ITGA3: variants seen among roughly 807,000 people sequenced by gnomAD.
The protein encoded by ITGA3 is integrin alpha-3.
In ITGA3, 70 loss-of-function variants were observed where a neutral mutation model predicts 131.1. The ratio of observed to expected loss-of-function variants is 0.53; its 90% CI spans 0.44 to 0.65. ITGA3 has a LOEUF of 0.65. Ranked by LOEUF, ITGA3 falls within the 30% of genes least tolerant of loss-of-function variation. ITGA3 has a pLI of 0.00. For missense variants in ITGA3, 1,098 were observed against 1,388.6 expected, an observed-to-expected ratio of 0.79 and a Z score of 3.33; for synonymous variants, 537 against 571.6, an observed-to-expected ratio of 0.94 and a Z score of 0.86.
chr17:50,079,316 C>T, intron 20 of ITGA3, 58 bp downstream of exon 20: 1 of 1,536,690 alleles, frequency 6.5e-7, no homozygotes. Flanking sequence ...AGGCCAGTGT[C>T]TTCCCCTCCC....
At chr17:50,071,872 G>A (rs562664993) in intron 6 of ITGA3, 114 bp from the exon 7 acceptor site, 53 of 901,412 alleles carry the variant, frequency 5.9e-5, no homozygotes, top group South Asian at 3.5e-4. Flanking sequence ...ACCTGTGGCC[G>A]GAAGAGCCAT....
intron 11 of ITGA3, 29 bp from the exon 12 acceptor site, chr17:50,075,570 C>A (rs201641301): frequency 6.2e-7 from 1 of 1,614,214 alleles, no homozygotes; most frequent in Non-Finnish European, 8.5e-7. Flanking sequence ...CTCCCCTGTC[C>A]CCTTGCTGAC....
Position 50,077,090 on chromosome 17 carries a change from C to A in ITGA3, c.2039C>A (p.Pro680His). Residue 680 changes from proline (P) to histidine (H), a missense_variant, in exon 15 of 26, where the codon CCT becomes CAT. Coordinates refer to ENST00000320031, the MANE Select transcript of ITGA3 (RefSeq NM_002204.4). ...GAGGCGCTGCTCACCCTGGTGGTGC[C>A]TCCCGCCCTGCTGCTGTCCTCAGTG... The part of the protein sequence containing the change: ...AHEALLTLVV[P>H]PALLLSSVRP... 6.3e-7 allele frequency: 1 copy of A among 1,577,900 alleles called. No individual in the cohort carries two copies. Among genetic ancestry groups the A allele is most frequent in the African/African-American group, 1.3e-5 (1 of 74,238 alleles).
Position 50,075,444 on chromosome 17 carries a change from A to T in ITGA3, c.1470-15A>T, listed in dbSNP as rs898863105. The T allele has an allele frequency of 5.6e-6, 9 of 1,613,908 alleles. No homozygotes were observed. In the Admixed American group the frequency reaches 1.3e-4, roughly 24 times the overall value. Reference sequence around the variant, plus strand: ...GTCCCACTGTGACCCGCCCTCCTGTACATCCCTCCAACAGTGTGCAAGTGG... The same window carrying T: ...GTCCCACTGTGACCCGCCCTCCTGTTCATCCCTCCAACAGTGTGCAAGTGG... On this transcript the variant is annotated splice_polypyrimidine_tract_variant and intron_variant, in intron 10 of 25. Coordinates refer to ENST00000320031, the MANE Select transcript of ITGA3 (RefSeq NM_002204.4).
chr17:50,077,965 G>C, intron 16 of ITGA3, 81 bp from the exon 17 acceptor site: 1 of 1,193,706 alleles, frequency 8.4e-7, no homozygotes. Flanking sequence ...AACTAGAATA[G>C]TGTGCATCCC....
Position 50,076,694 on chromosome 17 carries a change from C to G in ITGA3, c.1922+13C>G. The G allele has an allele frequency of 1.0e-5, 16 of 1,606,278 alleles. No individual in the cohort carries two copies. The highest frequency in any genetic ancestry group is 1.3e-5 in the Non-Finnish European group (15 of 1,173,836). On this transcript the variant is annotated intron_variant, in intron 14 of 25. Coordinates refer to ENST00000320031, the MANE Select transcript of ITGA3 (RefSeq NM_002204.4). The stretch of plus-strand genomic sequence containing the variant: ...AGAAGCTGAGCAGGTGGCTGTGGGC[C>G]GCCGGCCGCGTTAATCGGCCAAGGG...
intron 16 of ITGA3, 154 bp from the exon 17 acceptor site, chr17:50,077,892 G>T: frequency 9.8e-6 from 6 of 610,502 alleles, no homozygotes; most frequent in Non-Finnish European, 1.2e-5. Context: ...GGAGGCAGAG[G>T]TGGGGTGGGG....
At chr17:50,062,684 G>A (rs896008692) in intron 1 of ITGA3, among the ~76,000 whole-genome samples, 21 of 152,194 alleles carry the variant, frequency 1.4e-4, no homozygotes, top group African/African-American at 5.1e-4. Context: ...GCCCTGCACT[G>A]CCCTGCCCTG....
Position 50,072,272 on chromosome 17 carries a change from C to A in ITGA3, c.1156+90C>A, listed in dbSNP as rs1908668134. 4 of 1,184,138 alleles carry A rather than the reference C, an allele frequency of 3.4e-6. No individual in the cohort carries two copies. In the South Asian group the frequency reaches 5.5e-5, roughly 16 times the overall value. 73.4% of individuals were successfully genotyped at this position (1,184,138 alleles called of 1,614,324 possible). A position where few individuals can be genotyped will look rare whatever the true frequency, so the allele number is the denominator to read the frequency against. ...GACTGAGCACCAGCTGCACATCAGG[C>A]TTGACAGGGCCCACAGATGAGACAG... On this transcript the variant is annotated intron_variant, in intron 7 of 25. Transcript: ENST00000320031.
chr17:50,056,122 A>C lies in ITGA3; in HGVS notation c.-318A>C. 3.4e-6 allele frequency: 1 copy of C among 297,638 alleles called. No homozygotes were observed. 18.4% of individuals were successfully genotyped at this position (297,638 alleles called of 1,614,324 possible). The stretch of plus-strand genomic sequence containing the variant: ...CGGTGCGCTTGCCAGATCCGCCGCG[A>C]AGCCGGGATCGAAGGCGACAGCGCG... On this transcript the variant is annotated 5_prime_UTR_variant, in exon 1 of 26. Coordinates refer to ENST00000320031, the MANE Select transcript of ITGA3 (RefSeq NM_002204.4). The surrounding 1 kb of genome is among the most constrained non-coding windows in gnomAD (Gnocchi z 5.6).
At chr17:50,087,391 TCAGAAAG>T (rs60081252) in intron 23 of ITGA3, 1 of 205,302 alleles carries the variant, frequency 4.9e-6, no homozygotes, top group African/African-American at 2.3e-5. Context: ...ATCCCCCTCA[TCAGAAAG>T]CAGAAAGCAT....
At position 50,058,994 on chromosome 17, in the gene ITGA3, G is replaced by T. The variant is rs144507602; in HGVS notation, c.206+2349G>T. 5.9e-3 allele frequency among the ~76,000 whole-genome samples: 902 copies of T among 152,312 alleles called. 7 individuals are homozygous for T. Among genetic ancestry groups the T allele is most frequent in the African/African-American group, 0.021 (853 of 41,558 alleles). On this transcript the variant is annotated intron_variant, in intron 1 of 25. Transcript: ENST00000320031. ...CACTGCCCTGGGGGTGGGAGGAGGG[G>T]AGAGCACAGCTTTCTTGTTCTCCAT...
chr17:50,073,832 G>C, intron 7 of ITGA3, 84 bp from the exon 8 acceptor site: 1 of 951,884 alleles, frequency 1.1e-6, no homozygotes, highest in South Asian at 1.3e-5. Flanking sequence ...GTTCTGTGCT[G>C]GGCTGTATGG....
At chr17:50,082,286 C>T (rs2144311468) in intron 23 of ITGA3, among the ~76,000 whole-genome samples, 1 of 152,336 alleles carries the variant, frequency 6.6e-6, no homozygotes, top group Admixed American at 6.5e-5. Context: ...TCATGCCATT[C>T]TCCTGCCTTG....
rs1316730126 is a variant in ITGA3, at chr17:50,078,244, A to G, written c.2257A>G (p.Thr753Ala). The change falls in exon 18 of 26, where the codon ACT becomes GCT. Residue 753 changes from threonine to alanine, a missense_variant. Transcript: ENST00000320031. ...HQDNLWPMIL[T>A]LLVDYTLQTS... is the part of the protein sequence containing the mutation. Reference sequence around the variant, plus strand: ...GGACAACCTGTGGCCCATGATCCTCACTCTGCTGGTGGACTATACACTCCA... The same window carrying G: ...GGACAACCTGTGGCCCATGATCCTCGCTCTGCTGGTGGACTATACACTCCA... 1 of 1,613,456 alleles carries G rather than the reference A, an allele frequency of 6.2e-7. No homozygotes were observed. Among genetic ancestry groups the G allele is most frequent in the South Asian group, 1.1e-5 (1 of 91,038 alleles).
chr17:50,089,998 C>T lies in ITGA3; in HGVS notation c.*920C>T, dbSNP rs1062484. 53,749 of 251,222 alleles carry T rather than the reference C, an allele frequency of 0.21. 6,747 individuals are homozygous for T. Among genetic ancestry groups the T allele is most frequent in the Non-Finnish European group, 0.28 (33,724 of 121,210 alleles). 15.6% of individuals were successfully genotyped at this position (251,222 alleles called of 1,614,324 possible). On this transcript the variant is annotated 3_prime_UTR_variant, in exon 26 of 26. Transcript: ENST00000320031. ...AGCCTGGGCTCACTGTGCTGGGGCACGGCGGGATCCTCCACAGAGAGGAGG... is the reference window on the plus strand; with the variant it reads ...AGCCTGGGCTCACTGTGCTGGGGCATGGCGGGATCCTCCACAGAGAGGAGG...
At position 50,071,559 on chromosome 17, in the gene ITGA3, T is replaced by C. The variant is rs1981515; in HGVS notation, c.959+41T>C. ...CATCCTCTGGGGCCAGGGAGAGCGA[T>C]GGGCGGGGGAAGGCTTACCTAAGCC... On this transcript the variant is annotated intron_variant, in intron 6 of 25. Transcript: ENST00000320031. The C allele has an allele frequency of 1.5e-5, 23 of 1,541,682 alleles. No individual in the cohort carries two copies. The East Asian group carries it at 4.4e-4, about 29-fold the overall frequency.
chr17:50,090,228 T>C lies in ITGA3; in HGVS notation c.*1150T>C. ...TGACCATGCGTCAGGGGCCTAGAGG[T>C]GGAGTTCTTAGCTATCCTTGGCTTT... On this transcript the variant is annotated 3_prime_UTR_variant, in exon 26 of 26. Coordinates refer to ENST00000320031, the MANE Select transcript of ITGA3 (RefSeq NM_002204.4). 1 of 456,308 alleles carries C rather than the reference T, an allele frequency of 2.2e-6. No individual in the cohort carries two copies. The allele number at this position is 456,308 out of a possible 1,614,324, so 28.3% of individuals were successfully genotyped here.
chr17:50,077,630 G>C (rs1908977413), intron 16 of ITGA3, among the ~76,000 whole-genome samples, 183 bp downstream of exon 16: 1 of 152,202 alleles, frequency 6.6e-6, no homozygotes, highest in South Asian at 2.1e-4. Flanking sequence ...AAATGGGGCT[G>C]CTAGGGAGCT....
Sources: gnomAD v4.1 joint callset for allele counts (sites outside exome capture counted in the v4.1 genomes callset) on GRCh38, gnomAD v4.1.1 for gene constraint, Gnocchi (gnomAD v3.1) non-coding constraint, MANE v1.5 for transcripts, NCBI Gene and HGNC (gene_info 2026-07-23, HGNC 2026-07-21) for gene names.